CCDC158: variants seen among roughly 807,000 people sequenced by gnomAD.
The protein encoded by CCDC158 is coiled-coil domain-containing protein 158.
Under a neutral mutation model 138.6 loss-of-function variants are expected in CCDC158, and 116 were observed. The observed-to-expected ratio is 0.84, with a 90% CI of 0.72 to 0.98. The LOEUF is 0.98. CCDC158 is among the 50% of genes least tolerant of loss of function. The probability of loss-of-function intolerance (pLI) is 0.00; values close to 1 mark genes in which losing one functional copy is unlikely to be tolerated. For missense variants in CCDC158, 1,265 were observed against 1,306.1 expected, an observed-to-expected ratio of 0.97 and a Z score of 0.48; for synonymous variants, 436 against 442.4, an observed-to-expected ratio of 0.99 and a Z score of 0.18.
chr4:76,375,801 T>C, intron 9 of CCDC158: 1 of 556,504 alleles, frequency 1.8e-6, no homozygotes, highest in Non-Finnish European at 3.2e-6. Context: ...GTACAATTTC[T>C]ATGTTCACCA....
intron 1 of CCDC158, among the ~76,000 whole-genome samples, chr4:76,416,052 C>T (rs112270320): frequency 0.029 from 4,462 of 152,306 alleles, 221 homozygotes; most frequent in African/African-American, 0.1. Flanking sequence ...TCCTGTTCAC[C>T]TGGCTCTGCC....
chr4:76,346,496 G>T (rs990606868), intron 18 of CCDC158, among the ~76,000 whole-genome samples: 1 of 152,316 alleles, frequency 6.6e-6, no homozygotes, highest in South Asian at 2.1e-4. Context: ...TGGATCACAA[G>T]GTCAAGAGAT....
At chr4:76,383,426 A>ATC (rs147610626) in intron 7 of CCDC158, among the ~76,000 whole-genome samples, 34 of 150,548 alleles carry the variant, frequency 2.3e-4, no homozygotes, top group South Asian at 4.2e-4. Flanking sequence ...GCTGAGCTTA[A>ATC]TCTCTCTCTC....
chr4:76,419,547 G>C (rs1277794258), intron 1 of CCDC158, among the ~76,000 whole-genome samples: 1 of 152,178 alleles, frequency 6.6e-6, no homozygotes, highest in East Asian at 1.9e-4. Flanking sequence ...CTCTGCAAGA[G>C]AATCAGTTCC....
intron 24 of CCDC158, among the ~76,000 whole-genome samples, chr4:76,315,322 T>A (rs1437947420): frequency 6.6e-6 from 1 of 152,166 alleles, no homozygotes; most frequent in Non-Finnish European, 1.5e-5. Flanking sequence ...ATGGTATTTT[T>A]TTCCCTGCCC....
chr4:76,326,217 C>T (rs535597985), intron 22 of CCDC158, among the ~76,000 whole-genome samples: 2 of 152,212 alleles, frequency 1.3e-5, no homozygotes, highest in Admixed American at 1.3e-4. Context: ...ATTAGACCTG[C>T]CCTTGGGATC....
At chr4:76,374,082 G>C (rs923463873) in intron 9 of CCDC158, among the ~76,000 whole-genome samples, 1 of 152,082 alleles carries the variant, frequency 6.6e-6, no homozygotes, top group African/African-American at 2.4e-5. Flanking sequence ...CTTGAGCCTG[G>C]GAGTTTGAAG....
chr4:76,364,252 C>T (rs1349244358), intron 12 of CCDC158, among the ~76,000 whole-genome samples: 1 of 152,176 alleles, frequency 6.6e-6, no homozygotes, highest in Non-Finnish European at 1.5e-5. Flanking sequence ...AAATCCTGCC[C>T]AACCTGCAGG....
chr4:76,414,860 C>G (rs1729568907), intron 1 of CCDC158, among the ~76,000 whole-genome samples: 1 of 152,148 alleles, frequency 6.6e-6, no homozygotes, highest in African/African-American at 2.4e-5. Flanking sequence ...ATGTCTTTAA[C>G]AGCAGCGTGA....
At chr4:76,382,925 G>A (rs2110304091) in intron 7 of CCDC158, among the ~76,000 whole-genome samples, 1 of 152,178 alleles carries the variant, frequency 6.6e-6, no homozygotes, top group East Asian at 1.9e-4. Context: ...TTGGAATTCA[G>A]AATTTTTTTT....
At chr4:76,345,303 T>C (rs1722439569) in intron 18 of CCDC158, 4 of 1,062,454 alleles carry the variant, frequency 3.8e-6, no homozygotes, top group African/African-American at 1.6e-5. Flanking sequence ...GGATCTCTTA[T>C]ACAGACACAC....
At position 76,351,466 on chromosome 4, in the gene CCDC158, CACTCACCTATTTTAA is replaced by C. The variant is rs561052977; in HGVS notation, c.2538+239_2538+253del. On this transcript the variant is annotated intron_variant, in intron 17 of 24. Coordinates refer to ENST00000682701, the MANE Select transcript of CCDC158 (RefSeq NM_001394954.1). ...TACTCGTAAACTTCACTAGTACCTTCACTCACCTATTTTAAACTCACCTATTTTAAACTCACCTAT... is the reference window on the plus strand; with the variant it reads ...TACTCGTAAACTTCACTAGTACCTTCACTCACCTATTTTAAACTCACCTAT... Among the ~76,000 whole-genome samples, 494 of 152,276 alleles carry C rather than the reference CACTCACCTATTTTAA, an allele frequency of 3.2e-3. 2 individuals carry two copies. Among genetic ancestry groups the C allele is most frequent in the African/African-American group, 9.3e-3 (388 of 41,560 alleles).
intron 24 of CCDC158, among the ~76,000 whole-genome samples, chr4:76,315,501 C>G (rs553120312): frequency 3.3e-5 from 5 of 152,176 alleles, no homozygotes; most frequent in African/African-American, 1.2e-4. Flanking sequence ...GGAGGCCAAC[C>G]AACTCCGAAC....
At chr4:76,314,027 G>T (rs1295928577) in intron 24 of CCDC158, among the ~76,000 whole-genome samples, 1 of 151,450 alleles carries the variant, frequency 6.6e-6, no homozygotes, top group East Asian at 1.9e-4. Flanking sequence ...AAATACTTTT[G>T]TATAAACACT....
chr4:76,368,263 C>T (rs1578993678), intron 11 of CCDC158, among the ~76,000 whole-genome samples: 1 of 151,912 alleles, frequency 6.6e-6, no homozygotes, highest in Admixed American at 6.6e-5. Context: ...GCGGAATTTA[C>T]AATAACTACC....
At chr4:76,392,349 T>C (rs948346475) in intron 4 of CCDC158, among the ~76,000 whole-genome samples, 1 of 151,988 alleles carries the variant, frequency 6.6e-6, no homozygotes, top group African/African-American at 2.4e-5. Context: ...ATACATCATA[T>C]CAACAGAATG....
intron 4 of CCDC158, among the ~76,000 whole-genome samples, chr4:76,391,407 A>C (rs962987105): frequency 1.3e-5 from 2 of 152,100 alleles, no homozygotes; most frequent in Admixed American, 6.5e-5. Flanking sequence ...ACAGAAATTA[A>C]ACAATATGCT....
At chr4:76,335,779 C>A (rs1195280605) in intron 18 of CCDC158, among the ~76,000 whole-genome samples, 2 of 152,090 alleles carry the variant, frequency 1.3e-5, no homozygotes, top group Middle Eastern at 3.2e-3. Flanking sequence ...TGCCATGTTG[C>A]CCTGGATGAT....
Position 76,384,193 on chromosome 4 carries a change from A to G in CCDC158, c.621T>C (p.His207=), listed in dbSNP as rs17001890. Reference sequence around the variant, plus strand: ...GGAAGTGCAGAGTAGACATGCTGTCATGTTCACATATTTTTTTGCCTGAGG... The same window carrying G: ...GGAAGTGCAGAGTAGACATGCTGTCGTGTTCACATATTTTTTTGCCTGAGG... The part of the protein sequence containing the change: ...EEASGKKICE[H]DSMSTLHFRS... The change falls in exon 6 of 25, where the codon CAT becomes CAC. Residue 207 remains histidine, a synonymous_variant. Coordinates refer to ENST00000682701, the MANE Select transcript of CCDC158 (RefSeq NM_001394954.1). 0.24 allele frequency: 395,371 copies of G among 1,613,792 alleles called. 50,400 individuals carry two copies. Among genetic ancestry groups the G allele is most frequent in the African/African-American group, 0.31 (23,366 of 74,938 alleles).
Sources: allele counts gnomAD v4.1 joint callset (sites outside exome capture counted in the v4.1 genomes callset), GRCh38; gene constraint gnomAD v4.1.1; transcripts MANE v1.5; gene names NCBI Gene and HGNC (gene_info 2026-07-23, HGNC 2026-07-21).